The following KCNH7 variants were observed in gnomAD, a reference collection of about 807,000 sequenced individuals.
KCNH7 encodes the protein voltage-gated inwardly rectifying potassium channel KCNH7.
KCNH7 carries 49 observed loss-of-function variants against 120.8 expected under a neutral mutation model. The ratio of observed to expected loss-of-function variants is 0.41; its 90% CI spans 0.32 to 0.51. KCNH7 has a LOEUF of 0.51. Ranked by LOEUF, KCNH7 falls within the 20% of genes least tolerant of loss-of-function variation. The pLI, the probability that KCNH7 is intolerant of heterozygous loss-of-function variation, is 0.38. For synonymous variants in KCNH7, 547 were observed against 516.1 expected, an observed-to-expected ratio of 1.06 and a Z score of -0.81; for missense variants, 1,097 against 1,446.6, an observed-to-expected ratio of 0.76 and a Z score of 3.92.
chr2:162,766,153 T>C (rs779485161), intron 2 of KCNH7, among the ~76,000 whole-genome samples: 16 of 152,304 alleles, frequency 1.1e-4, no homozygotes, highest in Admixed American at 8.5e-4. Flanking sequence ...TCCTGTATAC[T>C]TCATTTTCTT....
At chr2:162,427,037 T>C (rs1053243993) in intron 8 of KCNH7, among the ~76,000 whole-genome samples, 1 of 152,112 alleles carries the variant, frequency 6.6e-6, no homozygotes, top group Non-Finnish European at 1.5e-5. Flanking sequence ...ATCATTCTGT[T>C]GTGTGTATCA....
chr2:162,590,168 A>G (rs1249767317), intron 2 of KCNH7, among the ~76,000 whole-genome samples: 1 of 152,066 alleles, frequency 6.6e-6, no homozygotes, highest in Non-Finnish European at 1.5e-5. Context: ...TGGTTTTTAG[A>G]GCCTTTTATG....
chr2:162,551,525 A>T (rs1692667345), intron 2 of KCNH7, among the ~76,000 whole-genome samples: 1 of 152,178 alleles, frequency 6.6e-6, no homozygotes, highest in Non-Finnish European at 1.5e-5. Flanking sequence ...TAAAATTAGA[A>T]ATTACTTGAA....
chr2:162,557,461 C>T (rs756768846), intron 2 of KCNH7, among the ~76,000 whole-genome samples: 1 of 152,122 alleles, frequency 6.6e-6, no homozygotes, highest in Non-Finnish European at 1.5e-5. Flanking sequence ...CACTCATATT[C>T]AAGGACACAG....
intron 2 of KCNH7, among the ~76,000 whole-genome samples, chr2:162,554,875 G>A (rs1421051936): frequency 1.3e-5 from 2 of 152,164 alleles, no homozygotes; most frequent in East Asian, 3.9e-4. Flanking sequence ...TTTAGGGCAT[G>A]AACCTTTTTC....
At chr2:162,651,293 T>G (rs1684557043) in intron 2 of KCNH7, among the ~76,000 whole-genome samples, 1 of 152,178 alleles carries the variant, frequency 6.6e-6, no homozygotes, top group Admixed American at 6.5e-5. Flanking sequence ...GGGTTTCTGG[T>G]ACAAATTATT....
intron 6 of KCNH7, among the ~76,000 whole-genome samples, chr2:162,496,486 C>A (rs1690503808): frequency 1.3e-5 from 2 of 152,074 alleles, no homozygotes; most frequent in Non-Finnish European, 2.9e-5. Context: ...ATATAGAAGC[C>A]TTTGTATTCA....
At chr2:162,515,717 G>A (rs1007963913) in intron 4 of KCNH7, among the ~76,000 whole-genome samples, 8 of 151,754 alleles carry the variant, frequency 5.3e-5, no homozygotes, top group Non-Finnish European at 1.2e-4. Context: ...GAAATATTGA[G>A]CCTGCCATTA....
chr2:162,771,295 C>T (rs1683045662), intron 2 of KCNH7, among the ~76,000 whole-genome samples: 1 of 152,106 alleles, frequency 6.6e-6, no homozygotes, highest in Non-Finnish European at 1.5e-5. Context: ...TTTCATTGCT[C>T]TTATGAAATG....
At chr2:162,715,946 T>TTGTGTG (rs55649777) in intron 2 of KCNH7, among the ~76,000 whole-genome samples, 8,578 of 146,436 alleles carry the variant, frequency 0.059, 320 homozygotes, top group African/African-American at 0.1. Flanking sequence ...GAGCATGTCT[T>TTGTGTG]TGTGTGTGTG....
intron 2 of KCNH7, among the ~76,000 whole-genome samples, chr2:162,607,391 A>G (rs1365006985): frequency 1.3e-5 from 2 of 149,284 alleles, no homozygotes; most frequent in East Asian, 2.0e-4. Flanking sequence ...CTCAGTCTCA[A>G]AAAAAAAAAA....
intron 6 of KCNH7, among the ~76,000 whole-genome samples, chr2:162,460,057 G>A (rs192474057): frequency 1.4e-5 from 2 of 138,890 alleles, no homozygotes; most frequent in East Asian, 4.3e-4. Context: ...TGGTGCCACA[G>A]CACTCCAGCC....
At chr2:162,718,565 T>A (rs1211112020) in intron 2 of KCNH7, among the ~76,000 whole-genome samples, 2 of 151,982 alleles carry the variant, frequency 1.3e-5, no homozygotes, top group Non-Finnish European at 2.9e-5. Context: ...TGAAACATAA[T>A]GAGACTCTCC....
chr2:162,395,877 T>C (rs1686898706), intron 11 of KCNH7, among the ~76,000 whole-genome samples: 1 of 151,726 alleles, frequency 6.6e-6, no homozygotes, highest in Non-Finnish European at 1.5e-5. Context: ...CTATTGACTT[T>C]AGGGTTTTTT....
intron 2 of KCNH7, among the ~76,000 whole-genome samples, chr2:162,749,205 T>C (rs1323246802): frequency 6.6e-6 from 1 of 151,726 alleles, no homozygotes; most frequent in Non-Finnish European, 1.5e-5. Flanking sequence ...CTTTCTTTCT[T>C]TCTCTCTCTT....
At chr2:162,732,339 T>C (rs1687759893) in intron 2 of KCNH7, among the ~76,000 whole-genome samples, 1 of 152,154 alleles carries the variant, frequency 6.6e-6, no homozygotes, top group Non-Finnish European at 1.5e-5. Flanking sequence ...AAAGGTTTTA[T>C]ATAGAAAAGG....
rs145368737 is a variant in KCNH7, at chr2:162,407,451, C to A, written c.2155-7010G>T. Among the ~76,000 whole-genome samples the A allele has an allele frequency of 1.6e-3, 245 of 152,074 alleles. 1 individual carries two copies. Among genetic ancestry groups the A allele is most frequent in the Non-Finnish European group, 2.7e-3 (183 of 67,954 alleles). On this transcript the variant is annotated intron_variant, in intron 9 of 15. Transcript: ENST00000332142. ...TATCCTGATCCAAATTAAGTCAGGGCCAAGGATGGGTAGAAGTGTGGGTGA... is the reference window on the plus strand; with the variant it reads ...TATCCTGATCCAAATTAAGTCAGGGACAAGGATGGGTAGAAGTGTGGGTGA...
At chr2:162,572,251 C>T (rs1395461469) in intron 2 of KCNH7, among the ~76,000 whole-genome samples, 4 of 151,616 alleles carry the variant, frequency 2.6e-5, no homozygotes, top group Non-Finnish European at 2.9e-5. Context: ...TGAACAGACA[C>T]TTCTCAAAGG....
chr2:162,778,475 A>G (rs1053249606), intron 2 of KCNH7, among the ~76,000 whole-genome samples: 1 of 152,156 alleles, frequency 6.6e-6, no homozygotes, highest in Non-Finnish European at 1.5e-5. Flanking sequence ...AGACAAGTCT[A>G]AATTCAAATC....
Sources: gnomAD v4.1 joint callset for allele counts (sites outside exome capture counted in the v4.1 genomes callset) on GRCh38, gnomAD v4.1.1 for gene constraint, MANE v1.5 for transcripts, NCBI Gene and HGNC (gene_info 2026-07-23, HGNC 2026-07-21) for gene names.